MCMBP: variants seen among roughly 807,000 people sequenced by gnomAD.
MCMBP encodes mini-chromosome maintenance complex-binding protein.
MCMBP carries 31 observed loss-of-function variants against 81.3 expected under a neutral mutation model. The observed-to-expected ratio is 0.38, with a 90% CI of 0.29 to 0.51. MCMBP has a LOEUF of 0.51. MCMBP is among the 20% of genes least tolerant of loss of function. The pLI is 0.87. For synonymous variants in MCMBP, 267 were observed against 275.9 expected, an observed-to-expected ratio of 0.97 and a Z score of 0.32; for missense variants, 645 against 772.1, an observed-to-expected ratio of 0.84 and a Z score of 1.95.
Position 119,853,101 on chromosome 10 carries a change from C to A in MCMBP, c.523G>T (p.Asp175Tyr). ...KRSYEDDDDM[D>Y]LQPNKQKDQH... The stretch of plus-strand genomic sequence containing the variant: ...TCTTTCTGCTTATTGGGCTGTAGGT[C>A]CATATCGTCATCATCTTCATAACTC... The change falls in exon 6 of 16, where the codon GAC becomes TAC. Residue 175 changes from aspartate to tyrosine, a missense_variant. Asp to Tyr is a radical substitution (Grantham distance 160). Transcript: ENST00000369077. 6.2e-7 allele frequency: 1 copy of A among 1,614,140 alleles called. No homozygotes were observed. The highest frequency in any genetic ancestry group is 8.5e-7 in the Non-Finnish European group (1 of 1,180,026).
intron 12 of MCMBP, among the ~76,000 whole-genome samples, chr10:119,838,258 TGA>T (rs1030496105): frequency 1.4e-5 from 2 of 148,132 alleles, no homozygotes; most frequent in African/African-American, 4.9e-5. Context: ...ATATATTAAA[TGA>T]GACATTATAT....
In MCMBP at chr10:119,830,621, C is replaced by G. The variant is rs1353160310; in HGVS notation, c.*853G>C. 1 of 152,436 alleles carries G rather than the reference C, an allele frequency of 6.6e-6. No individual in the cohort carries two copies. 9.4% of individuals were successfully genotyped at this position (152,436 alleles called of 1,614,324 possible). A position where few individuals can be genotyped will look rare whatever the true frequency, so the allele number is the denominator to read the frequency against. ...ACAGCATTCCCTTATGCATGGTTCT[C>G]AAATGCACTGGGATAGGAGAAAATA... On this transcript the variant is annotated 3_prime_UTR_variant, in exon 16 of 16. Coordinates refer to ENST00000369077, the MANE Select transcript of MCMBP (RefSeq NM_001256378.2).
chr10:119,866,340 G>A lies in MCMBP; in HGVS notation c.58+6187C>T, dbSNP rs185468321. Among the ~76,000 whole-genome samples the A allele has an allele frequency of 7.9e-5, 12 of 151,856 alleles. No individual in the cohort carries two copies. In the East Asian group the frequency reaches 2.3e-3, roughly 30 times the overall value. On this transcript the variant is annotated intron_variant, in intron 1 of 15. Coordinates refer to ENST00000369077, the MANE Select transcript of MCMBP (RefSeq NM_001256378.2). Reference sequence around the variant, plus strand: ...CTTTTTGGAGTGATGAAAATGATAGGGGTGGCCGGGCGTGGTGGCTCATGC... The same window carrying A: ...CTTTTTGGAGTGATGAAAATGATAGAGGTGGCCGGGCGTGGTGGCTCATGC...
At chr10:119,859,219 C>T in intron 2 of MCMBP, 38 bp from the exon 3 acceptor site, 1 of 1,598,066 alleles carries the variant, frequency 6.3e-7, no homozygotes, top group Non-Finnish European at 8.5e-7. Flanking sequence ...ACTAAATATC[C>T]TGTCTATACA....
Position 119,829,868 on chromosome 10 carries a change from A to G in MCMBP, c.*1606T>C, listed in dbSNP as rs1750866940. ...TTCTGCAAGACCAAGCAATGTATGT[A>G]TTTTTCTTTGGTAAATTACAATTTA... is the stretch of plus-strand genomic sequence containing the variant. On this transcript the variant is annotated 3_prime_UTR_variant, in exon 16 of 16. Transcript: ENST00000369077. 1 of 152,264 alleles carries G rather than the reference A, an allele frequency of 6.6e-6. No homozygotes were observed. The highest frequency in any genetic ancestry group is 2.1e-4 in the South Asian group (1 of 4,834). The allele number at this position is 152,264 out of a possible 1,614,324, so 9.4% of individuals were successfully genotyped here.
At chr10:119,872,486 T>A (rs1283526324) in intron 1 of MCMBP, 41 bp downstream of exon 1, 3 of 1,150,202 alleles carry the variant, frequency 2.6e-6, no homozygotes, top group Non-Finnish European at 3.2e-6. Flanking sequence ...CCCGGCAAAC[T>A]CGGCTGCCCG....
chr10:119,832,148 A>C, intron 14 of MCMBP, 48 bp from the exon 15 acceptor site: 2 of 1,550,374 alleles, frequency 1.3e-6, no homozygotes, highest in Non-Finnish European at 1.8e-6. Context: ...TGTAAGGAAA[A>C]GAAAATTAAC....
In MCMBP at chr10:119,838,447, T is replaced by C. The variant is rs968816945; in HGVS notation, c.1408+88A>G. On this transcript the variant is annotated intron_variant, in intron 12 of 15. Coordinates refer to ENST00000369077, the MANE Select transcript of MCMBP (RefSeq NM_001256378.2). ...TCTTACGTTGTTAAATGTGAATTTG[T>C]CCATAGATACTCTTCTAAAAGTTAT... The C allele has an allele frequency of 2.2e-5, 28 of 1,278,456 alleles. No homozygotes were observed. The South Asian group carries it at 4.0e-4, about 18-fold the overall frequency. 79.2% of individuals were successfully genotyped at this position (1,278,456 alleles called of 1,614,324 possible). A position where few individuals can be genotyped will look rare whatever the true frequency, so the allele number is the denominator to read the frequency against.
chr10:119,872,680 G>T lies in MCMBP; in HGVS notation c.-96C>A. On this transcript the variant is annotated 5_prime_UTR_variant, in exon 1 of 16. Transcript: ENST00000369077. ...GCGCCCAGCTCCTCTTCAGCGGCTCGGCCGCTCCTCGCCCGCGTTCGCTCG... is the reference window on the plus strand; with the variant it reads ...GCGCCCAGCTCCTCTTCAGCGGCTCTGCCGCTCCTCGCCCGCGTTCGCTCG... 1.7e-6 allele frequency: 1 copy of T among 577,000 alleles called. No individual in the cohort carries two copies. Among genetic ancestry groups the T allele is most frequent in the Non-Finnish European group, 2.3e-6 (1 of 429,238 alleles). 35.7% of individuals were successfully genotyped at this position (577,000 alleles called of 1,614,324 possible).
Position 119,839,877 on chromosome 10 carries a change from G to A in MCMBP, c.1242+966C>T, listed in dbSNP as rs376665701. Among the ~76,000 whole-genome samples the A allele has an allele frequency of 2.3e-3, 355 of 152,250 alleles. 18 individuals are homozygous for A. In the South Asian group the frequency reaches 0.071, roughly 30 times the overall value. On this transcript the variant is annotated intron_variant, in intron 11 of 15. Coordinates refer to ENST00000369077, the MANE Select transcript of MCMBP (RefSeq NM_001256378.2). ...CTACTTTTCCATCTGTGTGAGGCCA[G>A]CTTTCCTTCATATACTTCAACCAAA...
intron 1 of MCMBP, among the ~76,000 whole-genome samples, chr10:119,869,229 T>A (rs1333343564): frequency 6.6e-6 from 1 of 151,982 alleles, no homozygotes; most frequent in African/African-American, 2.4e-5. Context: ...GCAGATCACC[T>A]GTTCGAGACC....
chr10:119,859,011 C>T, intron 3 of MCMBP, 30 bp downstream of exon 3: 1 of 1,611,848 alleles, frequency 6.2e-7, no homozygotes, highest in South Asian at 1.1e-5. Context: ...AAAATTAATA[C>T]CACAAATTCA....
intron 12 of MCMBP, 52 bp from the exon 13 acceptor site, chr10:119,837,081 C>T (rs1286374270): frequency 6.3e-7 from 1 of 1,577,422 alleles, no homozygotes; most frequent in Non-Finnish European, 8.6e-7. Flanking sequence ...CATCTAAACA[C>T]ATCAGTTTTG....
intron 1 of MCMBP, among the ~76,000 whole-genome samples, chr10:119,862,082 G>A (rs535245972): frequency 2.0e-5 from 3 of 152,224 alleles, no homozygotes; most frequent in South Asian, 2.1e-4. Context: ...CAAGGCAGGC[G>A]GATCACCTGA....
Position 119,850,744 on chromosome 10 carries a change from G to A in MCMBP, c.575-1168C>T, listed in dbSNP as rs181121942. ...AGTCTGGGTGACAGAGCAAGACTCC[G>A]TCTAAAAAAAAAAAAAAAAAGGAAA... On this transcript the variant is annotated intron_variant, in intron 6 of 15. Coordinates refer to ENST00000369077, the MANE Select transcript of MCMBP (RefSeq NM_001256378.2). Among the ~76,000 whole-genome samples, 415 of 45,786 alleles carry A rather than the reference G, an allele frequency of 9.1e-3. 2 individuals carry two copies. The highest frequency in any genetic ancestry group is 0.036 in the African/African-American group (397 of 11,090). 30.0% of individuals were successfully genotyped at this position (45,786 alleles called of 152,430 possible). A position where few individuals can be genotyped will look rare whatever the true frequency, so the allele number is the denominator to read the frequency against.
intron 1 of MCMBP, among the ~76,000 whole-genome samples, chr10:119,864,861 C>T (rs980570550): frequency 2.0e-5 from 3 of 152,070 alleles, no homozygotes; most frequent in Non-Finnish European, 4.4e-5. Context: ...TCAAAGCTTT[C>T]CTTTGAGAGT....
At chr10:119,849,648 G>A in intron 6 of MCMBP, 72 bp from the exon 7 acceptor site, 2 of 1,402,268 alleles carry the variant, frequency 1.4e-6, no homozygotes, top group East Asian at 2.6e-5. Context: ...TTCCATAAGT[G>A]CCTTTCAAGT....
intron 4 of MCMBP, chr10:119,857,738 C>G (rs77558421): frequency 0.011 from 2,056 of 190,958 alleles, 40 homozygotes; most frequent in African/African-American, 0.045. Context: ...ATGATGTTAT[C>G]TAGGCCTTTT....
intron 1 of MCMBP, among the ~76,000 whole-genome samples, chr10:119,864,535 T>C (rs1248604859): frequency 7.7e-6 from 1 of 129,184 alleles, no homozygotes; most frequent in Non-Finnish European, 1.7e-5. Flanking sequence ...TTTGTTTTCC[T>C]TTTTTTTTTT....
Sources: gnomAD v4.1 joint callset for allele counts (sites outside exome capture counted in the v4.1 genomes callset) on GRCh38, gnomAD v4.1.1 for gene constraint, MANE v1.5 for transcripts, NCBI Gene and HGNC (gene_info 2026-07-23, HGNC 2026-07-21) for gene names.